Variants in ZFAT observed in about 807,000 individuals in gnomAD.
The protein encoded by ZFAT is zinc finger and AT-hook domain containing.
ZFAT carries 64 observed loss-of-function variants against 117.7 expected under a neutral mutation model. That is an observed-to-expected ratio of 0.54 (90% CI 0.44 to 0.67). The LOEUF (loss-of-function observed/expected upper bound fraction) is 0.67. ZFAT is among the 30% of genes least tolerant of loss of function. The pLI, the probability that ZFAT is intolerant of heterozygous loss-of-function variation, is 0.00. For missense variants in ZFAT, 1,433 were observed against 1,584.5 expected, an observed-to-expected ratio of 0.90 and a Z score of 1.62; for synonymous variants, 679 against 615.0, an observed-to-expected ratio of 1.10 and a Z score of -1.54.
intron 7 of ZFAT, among the ~76,000 whole-genome samples, chr8:134,594,578 T>C (rs1333594090): frequency 6.6e-6 from 1 of 152,200 alleles, no homozygotes; most frequent in African/African-American, 2.4e-5. Context: ...CCACCGCCAA[T>C]CACTATTACT....
chr8:134,502,506 T>G (rs915482621), intron 15 of ZFAT, among the ~76,000 whole-genome samples: 12 of 152,212 alleles, frequency 7.9e-5, no homozygotes, highest in Admixed American at 6.5e-4. Flanking sequence ...CCAACATATG[T>G]CTTCCAGCAA....
chr8:134,801,037 C>A, the ZFAT span, among the ~76,000 whole-genome samples: 1 of 152,122 alleles, frequency 6.6e-6, no homozygotes, highest in Non-Finnish European at 1.5e-5. Flanking sequence ...AACAATCAAA[C>A]TTGCATTTAT....
chr8:134,765,920 A>C, the ZFAT span: 1 of 152,234 alleles, frequency 6.6e-6, no homozygotes, highest in African/African-American at 2.4e-5. Flanking sequence ...ACATAAACTA[A>C]TCATTAAACA....
At chr8:134,492,202 C>T (rs984712978) in intron 15 of ZFAT, among the ~76,000 whole-genome samples, 2 of 151,970 alleles carry the variant, frequency 1.3e-5, no homozygotes, top group Non-Finnish European at 2.9e-5. Context: ...CTGCTGTTGC[C>T]CAGCCCTGCA....
At chr8:134,641,846 C>G (rs1256090678) in intron 2 of ZFAT, among the ~76,000 whole-genome samples, 2 of 152,230 alleles carry the variant, frequency 1.3e-5, no homozygotes, top group African/African-American at 4.8e-5. Flanking sequence ...GGACAACTTC[C>G]TCTTAGTCAG....
chr8:134,804,811 T>C, the ZFAT span: 1 of 516,376 alleles, frequency 1.9e-6, no homozygotes, highest in South Asian at 1.4e-5. Context: ...TTCCCACACA[T>C]TTTATAGCCT....
At chr8:134,749,290 C>G in the ZFAT span, among the ~76,000 whole-genome samples, 1 of 152,240 alleles carries the variant, frequency 6.6e-6, no homozygotes, top group South Asian at 2.1e-4. Flanking sequence ...TTGTCTTGAT[C>G]CATTCAGCTA....
At chr8:134,825,264 CAAT>C in the ZFAT span, among the ~76,000 whole-genome samples, 1 of 152,316 alleles carries the variant, frequency 6.6e-6, no homozygotes, top group Admixed American at 6.5e-5. Flanking sequence ...AAAAGGCATA[CAAT>C]GATTAGCTCA....
intron 10 of ZFAT, among the ~76,000 whole-genome samples, chr8:134,576,623 C>T (rs1362693997): frequency 6.6e-6 from 1 of 152,192 alleles, no homozygotes; most frequent in Non-Finnish European, 1.5e-5. Context: ...AGCAAAAGGC[C>T]ATGGAGCTAC....
At chr8:134,806,140 A>G in the ZFAT span, among the ~76,000 whole-genome samples, 1 of 152,138 alleles carries the variant, frequency 6.6e-6, no homozygotes, top group Non-Finnish European at 1.5e-5. Flanking sequence ...GTACACACAC[A>G]CTCTACAGAA....
chr8:134,817,222 G>C, the ZFAT span, among the ~76,000 whole-genome samples: 1 of 151,940 alleles, frequency 6.6e-6, no homozygotes, highest in African/African-American at 2.4e-5. Context: ...ATCAAATGAG[G>C]CCTTCAGAGC....
chr8:134,638,352 C>G (rs1830355937), intron 2 of ZFAT, among the ~76,000 whole-genome samples: 1 of 152,004 alleles, frequency 6.6e-6, no homozygotes, highest in Non-Finnish European at 1.5e-5. Flanking sequence ...ACTTGTGTTT[C>G]TTCTCAATTA....
chr8:134,782,184 A>T, the ZFAT span, among the ~76,000 whole-genome samples: 3 of 152,248 alleles, frequency 2.0e-5, no homozygotes, highest in African/African-American at 7.2e-5. Context: ...TTTGTAAAAG[A>T]GGTAGCTGTG....
chr8:134,608,756 G>A lies in ZFAT; in HGVS notation c.758C>T (p.Pro253Leu), dbSNP rs1828088734. The A allele has an allele frequency of 6.2e-7, 1 of 1,610,964 alleles. No homozygotes were observed. The highest frequency in any genetic ancestry group is 8.5e-7 in the Non-Finnish European group (1 of 1,178,850). Residue 253 changes from proline (P) to leucine (L), a missense_variant, in exon 5 of 16, where the codon CCT becomes CTT. Around this residue, in one of 5 missense-constraint regions of ZFAT, gnomAD observed 436 missense variants for 482.0 expected, o/e 0.90. Coordinates refer to ENST00000377838, the MANE Select transcript of ZFAT (RefSeq NM_020863.4). ...GYQEYAIQQTPYEQPMKSSRL... is the reference protein window; with the variant it reads ...GYQEYAIQQTLYEQPMKSSRL... ...GCTTGACTTCATTGGTTGCTCATAA[G>A]GTGTCTGCTGAATGGCGTATTCCTG... is the stretch of plus-strand genomic sequence containing the variant.
At position 134,674,282 on chromosome 8, in the gene ZFAT, G is replaced by A. The variant is rs531062288; in HGVS notation, c.20-16545C>T. 1.1e-4 allele frequency among the ~76,000 whole-genome samples: 16 copies of A among 152,306 alleles called. No homozygotes were observed. In the South Asian group the frequency reaches 3.3e-3, roughly 32 times the overall value. On this transcript the variant is annotated intron_variant, in intron 1 of 15. Coordinates refer to ENST00000377838, the MANE Select transcript of ZFAT (RefSeq NM_020863.4). ...ATGGTCTTCACAATCGGTAGACCAG[G>A]AGATTTTCTCTGGTGCCTGGCTCGG...
At chr8:134,489,119 G>A (rs1037799178) in intron 15 of ZFAT, among the ~76,000 whole-genome samples, 2 of 151,970 alleles carry the variant, frequency 1.3e-5, no homozygotes, top group Non-Finnish European at 1.5e-5. Flanking sequence ...AAATTAATGG[G>A]TGCCTCTCTA....
In ZFAT at chr8:134,615,528, G is replaced by A. The variant is rs78145077; in HGVS notation, c.449-4873C>T. 1.9e-3 allele frequency among the ~76,000 whole-genome samples: 296 copies of A among 152,218 alleles called. 1 individual carries two copies. Among genetic ancestry groups the A allele is most frequent in the African/African-American group, 6.9e-3 (286 of 41,536 alleles). On this transcript the variant is annotated intron_variant, in intron 3 of 15. Transcript: ENST00000377838. ...GAGAGTCAAATCCCCACTACCTAGA[G>A]CAGGGACCCCACTAACAAGCCCTTG...
chr8:134,535,763 G>C (rs1821791039), intron 11 of ZFAT, among the ~76,000 whole-genome samples: 1 of 151,736 alleles, frequency 6.6e-6, no homozygotes, highest in Non-Finnish European at 1.5e-5. Context: ...GAGAACAAAA[G>C]GTCTAGAATT....
intron 1 of ZFAT, among the ~76,000 whole-genome samples, chr8:134,683,459 A>G (rs1833164620): frequency 1.3e-5 from 2 of 152,204 alleles, no homozygotes; most frequent in Admixed American, 6.5e-5. Context: ...TGGAGAAGGC[A>G]GAGATCCCTG....
Sources: allele counts gnomAD v4.1 joint callset (sites outside exome capture counted in the v4.1 genomes callset), GRCh38; gene constraint gnomAD v4.1.1; regional missense constraint gnomAD v4.1.1; transcripts MANE v1.5; gene names NCBI Gene and HGNC (gene_info 2026-07-23, HGNC 2026-07-21).